Variants in BZW2 observed in about 807,000 individuals in gnomAD.
BZW2 encodes the protein eIF5-mimic protein 1.
In BZW2, 23 loss-of-function variants were observed where a neutral mutation model predicts 53.2. The ratio of observed to expected loss-of-function variants is 0.43; its 90% confidence interval spans 0.31 to 0.61. BZW2 has a LOEUF of 0.61. Among genes scored for constraint, BZW2 ranks in the 20% least tolerant of loss-of-function variants. BZW2 has a pLI of 0.09. For synonymous variants in BZW2, 227 were observed against 186.4 expected, an observed-to-expected ratio of 1.22 and a Z score of -1.77; for missense variants, 409 against 503.1, an observed-to-expected ratio of 0.81 and a Z score of 1.79.
rs527335527 is a variant in BZW2 at position 16,675,019 on chromosome 7, A to C, written c.235+431A>C. Among the ~76,000 whole-genome samples the C allele has an allele frequency of 7.9e-5, 12 of 151,244 alleles. No individual in the cohort carries two copies. In the South Asian group the frequency reaches 2.5e-3, roughly 32 times the overall value. Reference sequence around the variant, plus strand: ...TATAGTTTAAACCTGGTTTTTGAAAAATCATTTAAATTTTAAGTAAGTAGA... The same window carrying C: ...TATAGTTTAAACCTGGTTTTTGAAACATCATTTAAATTTTAAGTAAGTAGA... On this transcript the variant is annotated intron_variant, in intron 3 of 11. Coordinates refer to ENST00000258761, the MANE Select transcript of BZW2 (RefSeq NM_014038.3).
At chr7:16,696,800 G>A in intron 8 of BZW2, 115 bp from the exon 9 acceptor site, 2 of 1,022,632 alleles carry the variant, frequency 2.0e-6, no homozygotes, top group Non-Finnish European at 3.0e-6. Context: ...GAAAGGAGAA[G>A]CTAAGCAGAT....
intron 1 of BZW2, among the ~76,000 whole-genome samples, chr7:16,648,939 A>G (rs544113183): frequency 5.9e-5 from 9 of 152,312 alleles, no homozygotes; most frequent in African/African-American, 1.7e-4. Flanking sequence ...TATACATGCT[A>G]GTAAATACAT....
chr7:16,653,837 G>C (rs945999321), intron 1 of BZW2, among the ~76,000 whole-genome samples: 2 of 152,160 alleles, frequency 1.3e-5, no homozygotes, highest in African/African-American at 4.8e-5. Context: ...AAGAGTGAAA[G>C]ATTGGGAAGA....
chr7:16,686,400 G>C, intron 6 of BZW2: 1 of 201,568 alleles, frequency 5.0e-6, no homozygotes, highest in South Asian at 8.2e-5. Flanking sequence ...CCTATTATAA[G>C]AACAAAAACT....
intron 5 of BZW2, among the ~76,000 whole-genome samples, chr7:16,685,406 T>C (rs1783082646): frequency 6.6e-6 from 1 of 151,570 alleles, no homozygotes; most frequent in Non-Finnish European, 1.5e-5. Context: ...ACTTCGACTC[T>C]TTCCTGTTTT....
At chr7:16,655,978 T>C (rs1289542527) in intron 1 of BZW2, among the ~76,000 whole-genome samples, 1 of 151,454 alleles carries the variant, frequency 6.6e-6, no homozygotes, top group Non-Finnish European at 1.5e-5. Flanking sequence ...GATACTTTTC[T>C]TACAGAACCA....
chr7:16,656,007 A>C (rs550395564), intron 1 of BZW2, among the ~76,000 whole-genome samples: 3 of 152,198 alleles, frequency 2.0e-5, no homozygotes, highest in African/African-American at 7.2e-5. Context: ...AAAAAAATTC[A>C]GTAAATTTTA....
intron 1 of BZW2, among the ~76,000 whole-genome samples, chr7:16,654,402 A>C (rs1258141143): frequency 6.6e-6 from 1 of 152,120 alleles, no homozygotes; most frequent in African/African-American, 2.4e-5. Flanking sequence ...ATATCACTGA[A>C]TCAAGTTATA....
chr7:16,695,149 T>G (rs1562496000), intron 8 of BZW2, 145 bp downstream of exon 8: 1 of 738,442 alleles, frequency 1.4e-6, no homozygotes, highest in East Asian at 3.0e-5. Context: ...TTAAATTAAC[T>G]CAGCTTCAAA....
intron 6 of BZW2, 30 bp from the exon 7 acceptor site, chr7:16,689,767 G>T (rs1388202206): frequency 1.9e-6 from 3 of 1,568,264 alleles, no homozygotes; most frequent in Non-Finnish European, 2.6e-6. Flanking sequence ...GCTCGTAAAA[G>T]GAATGAAATT....
At chr7:16,705,529 T>TA (rs1168690295) in intron 11 of BZW2, among the ~76,000 whole-genome samples, 1 of 150,508 alleles carries the variant, frequency 6.6e-6, no homozygotes, top group African/African-American at 2.4e-5. Flanking sequence ...ACTAAAAATA[T>TA]AAAAAATTAG....
chr7:16,669,520 A>G (rs73312785), intron 2 of BZW2, among the ~76,000 whole-genome samples: 1,668 of 152,340 alleles, frequency 0.011, 28 homozygotes, highest in African/African-American at 0.039. Flanking sequence ...TATATGTGCA[A>G]ATATGAGTAT....
At chr7:16,663,107 A>C (rs1760259249) in intron 1 of BZW2, among the ~76,000 whole-genome samples, 1 of 152,246 alleles carries the variant, frequency 6.6e-6, no homozygotes, top group Non-Finnish European at 1.5e-5. Context: ...CAGTGAATAT[A>C]AATGATGCAT....
At chr7:16,660,163 C>T (rs1181732095) in intron 1 of BZW2, among the ~76,000 whole-genome samples, 2 of 150,794 alleles carry the variant, frequency 1.3e-5, no homozygotes. Flanking sequence ...GACATGAACT[C>T]ATCCTTTTTT....
At chr7:16,674,620 A>G in intron 3 of BZW2, 32 bp downstream of exon 3, 2 of 1,451,530 alleles carry the variant, frequency 1.4e-6, no homozygotes, top group Non-Finnish European at 1.8e-6. Context: ...CTTGTAGTAT[A>G]TTTATATATT....
chr7:16,660,386 C>G (rs1255387898), intron 1 of BZW2, among the ~76,000 whole-genome samples: 1 of 141,548 alleles, frequency 7.1e-6, no homozygotes, highest in Non-Finnish European at 1.5e-5. Flanking sequence ...GGTGACAGAG[C>G]GAGACTCCAT....
intron 3 of BZW2, among the ~76,000 whole-genome samples, chr7:16,679,311 C>T (rs1172981421): frequency 1.3e-5 from 2 of 152,200 alleles, no homozygotes; most frequent in African/African-American, 4.8e-5. Flanking sequence ...TAACAAATGT[C>T]CATGAAATCT....
chr7:16,673,002 A>G (rs1301936044), intron 2 of BZW2, among the ~76,000 whole-genome samples: 4 of 151,588 alleles, frequency 2.6e-5, no homozygotes, highest in Non-Finnish European at 5.9e-5. Flanking sequence ...CTGGAGTGCA[A>G]TGGCGCGATC....
At chr7:16,686,198 T>A in intron 6 of BZW2, 158 bp downstream of exon 6, 1 of 1,158,060 alleles carries the variant, frequency 8.6e-7, no homozygotes, top group South Asian at 1.4e-5. Flanking sequence ...TTTCAAATAA[T>A]AAAAGGAGTG....
Sources: allele counts gnomAD v4.1 joint callset (sites outside exome capture counted in the v4.1 genomes callset), GRCh38; gene constraint gnomAD v4.1.1; transcripts MANE v1.5; gene names NCBI Gene and HGNC (gene_info 2026-07-23, HGNC 2026-07-21).